DNAJC1: variants seen among roughly 807,000 people sequenced by gnomAD.
The protein encoded by DNAJC1 is DnaJ heat shock protein family (Hsp40) member C1.
In DNAJC1, 58 loss-of-function variants were observed where a neutral mutation model predicts 76.6. The ratio of observed to expected loss-of-function variants is 0.76; its 90% CI spans 0.61 to 0.94. DNAJC1 has a LOEUF of 0.94. Ranked by LOEUF, DNAJC1 falls within the 40% of genes least tolerant of loss-of-function variation. The probability of loss-of-function intolerance (pLI) is 0.00; values close to 1 mark genes in which losing one functional copy is unlikely to be tolerated. For missense variants in DNAJC1, 689 were observed against 677.3 expected (o/e 1.02, Z -0.19); for synonymous variants, 258 against 267.9 (o/e 0.96, Z 0.36).
At chr10:21,838,267 G>T (rs1315701212) in intron 8 of DNAJC1, among the ~76,000 whole-genome samples, 1 of 152,188 alleles carries the variant, frequency 6.6e-6, no homozygotes, top group African/African-American at 2.4e-5. Context: ...ACTCCATTTT[G>T]TTCTGTACTA....
intron 1 of DNAJC1, among the ~76,000 whole-genome samples, chr10:21,953,980 TG>T (rs1837640459): frequency 6.6e-6 from 1 of 152,088 alleles, no homozygotes; most frequent in Non-Finnish European, 1.5e-5. Context: ...AGTTGCCATA[TG>T]TTTCTAGAAA....
intron 6 of DNAJC1, among the ~76,000 whole-genome samples, chr10:21,906,777 G>C (rs1289520630): frequency 1.3e-5 from 2 of 152,106 alleles, no homozygotes; most frequent in African/African-American, 2.4e-5. Flanking sequence ...GATAACAAAA[G>C]TACCTAACTT....
intron 1 of DNAJC1, among the ~76,000 whole-genome samples, chr10:21,997,439 T>C (rs1411507961): frequency 6.6e-6 from 1 of 152,214 alleles, no homozygotes; most frequent in African/African-American, 2.4e-5. Context: ...TTAGGATAAT[T>C]GCCTTACTGG....
At chr10:21,832,123 A>C (rs898375537) in intron 8 of DNAJC1, among the ~76,000 whole-genome samples, 57 of 152,330 alleles carry the variant, frequency 3.7e-4, no homozygotes, top group Admixed American at 4.6e-4. Flanking sequence ...AAGGCATAAA[A>C]ATACATGTAA....
chr10:21,884,180 A>T (rs1836330862), intron 7 of DNAJC1, among the ~76,000 whole-genome samples: 1 of 152,200 alleles, frequency 6.6e-6, no homozygotes, highest in African/African-American at 2.4e-5. Context: ...GATGTATCCA[A>T]TTCAGAGTAT....
intron 7 of DNAJC1, among the ~76,000 whole-genome samples, chr10:21,882,839 C>T (rs933707652): frequency 1.3e-5 from 2 of 152,050 alleles, no homozygotes; most frequent in African/African-American, 4.8e-5. Context: ...ATAAAAAAAA[C>T]CTGGCTCTCA....
At chr10:21,876,749 T>C (rs909903288) in intron 8 of DNAJC1, among the ~76,000 whole-genome samples, 3 of 152,204 alleles carry the variant, frequency 2.0e-5, no homozygotes, top group Non-Finnish European at 4.4e-5. Context: ...TACACAGTTA[T>C]GGACACTTGG....
intron 11 of DNAJC1, 70 bp from the exon 12 acceptor site, chr10:21,756,825 T>C: frequency 1.4e-6 from 2 of 1,389,868 alleles, no homozygotes; most frequent in Non-Finnish European, 1.0e-6. Flanking sequence ...ATGTGGCCGG[T>C]CTGCTGGCTT....
intron 8 of DNAJC1, among the ~76,000 whole-genome samples, chr10:21,859,499 A>T (rs1835889334): frequency 6.6e-6 from 1 of 152,196 alleles, no homozygotes; most frequent in South Asian, 2.1e-4. Context: ...CCTATTTGAT[A>T]TGAAATCATC....
intron 8 of DNAJC1, among the ~76,000 whole-genome samples, chr10:21,855,071 CT>C (rs1185500013): frequency 4.6e-5 from 7 of 152,044 alleles, no homozygotes; most frequent in African/African-American, 1.7e-4. Context: ...TAAGATCTGA[CT>C]TTTTTTGTAT....
chr10:21,903,626 C>T (rs1358702734), intron 7 of DNAJC1, among the ~76,000 whole-genome samples: 4 of 152,160 alleles, frequency 2.6e-5, no homozygotes, highest in Non-Finnish European at 5.9e-5. Flanking sequence ...TGCCAGGACC[C>T]TGTTTGATGC....
intron 8 of DNAJC1, among the ~76,000 whole-genome samples, chr10:21,813,947 C>G (rs919245527): frequency 6.6e-6 from 1 of 152,166 alleles, no homozygotes; most frequent in African/African-American, 2.4e-5. Context: ...GTCTCTGACC[C>G]AGGAGTCTCA....
At chr10:21,984,801 A>G (rs1457220483) in intron 1 of DNAJC1, among the ~76,000 whole-genome samples, 1 of 152,244 alleles carries the variant, frequency 6.6e-6, no homozygotes, top group East Asian at 1.9e-4. Flanking sequence ...ATTTTAATGA[A>G]TATCAAAACT....
At position 21,855,618 on chromosome 10, in the gene DNAJC1, G is replaced by A. The variant is rs562863427; in HGVS notation, c.978+26664C>T. ...TAGGTGACTGCTAGGGTAACAGATT[G>A]AGACTTACCACTGGAGACTTCAGCT... On this transcript the variant is annotated intron_variant, in intron 8 of 11. Coordinates refer to ENST00000376980, the MANE Select transcript of DNAJC1 (RefSeq NM_022365.4). Among the ~76,000 whole-genome samples, 8 of 152,244 alleles carry A rather than the reference G, an allele frequency of 5.3e-5. No individual in the cohort carries two copies. In the South Asian group the frequency reaches 1.5e-3, roughly 28 times the overall value.
chr10:21,864,830 A>G (rs975636733), intron 8 of DNAJC1, among the ~76,000 whole-genome samples: 2 of 152,160 alleles, frequency 1.3e-5, no homozygotes, highest in Admixed American at 6.5e-5. Context: ...CGTATCTGCA[A>G]AACATACAGG....
chr10:21,777,529 G>A (rs1834467189), intron 9 of DNAJC1, among the ~76,000 whole-genome samples: 2 of 152,174 alleles, frequency 1.3e-5, no homozygotes, highest in Non-Finnish European at 2.9e-5. Context: ...AGTGTCTCAG[G>A]ACATGAAACA....
At chr10:21,852,757 C>CT (rs35470482) in intron 8 of DNAJC1, among the ~76,000 whole-genome samples, 414 of 143,196 alleles carry the variant, frequency 2.9e-3, no homozygotes, top group Non-Finnish European at 2.8e-3. Flanking sequence ...GAAGTACCCA[C>CT]TTTTTTTTTT....
intron 1 of DNAJC1, among the ~76,000 whole-genome samples, chr10:21,961,253 C>T (rs1187770115): frequency 1.3e-5 from 2 of 152,108 alleles, no homozygotes; most frequent in Non-Finnish European, 2.9e-5. Context: ...AAGGCATAAA[C>T]TGAAACAGAT....
At chr10:21,793,282 G>C (rs1834712735) in intron 9 of DNAJC1, among the ~76,000 whole-genome samples, 1 of 152,186 alleles carries the variant, frequency 6.6e-6, no homozygotes, top group African/African-American at 2.4e-5. Flanking sequence ...CTCCAGCCTG[G>C]GCAACTGGGC....
Sources: allele counts gnomAD v4.1 joint callset (sites outside exome capture counted in the v4.1 genomes callset), GRCh38; gene constraint gnomAD v4.1.1; transcripts MANE v1.5; gene names NCBI Gene and HGNC (gene_info 2026-07-23, HGNC 2026-07-21).